Variants in AGBL1 observed in about 807,000 individuals in gnomAD.
The protein encoded by AGBL1 is cytosolic carboxypeptidase 4.
In AGBL1, 130 loss-of-function variants were observed where a neutral mutation model predicts 118.9. The observed-to-expected ratio is 1.09, with a 90% confidence interval of 0.95 to 1.26. The LOEUF (loss-of-function observed/expected upper bound fraction) is 1.26. Ranked by LOEUF, AGBL1 falls within the 50% of genes most tolerant of loss-of-function variation. AGBL1 has a pLI of 0.00. For synonymous variants in AGBL1, 555 were observed against 478.9 expected (o/e 1.16, Z -2.08); for missense variants, 1,584 against 1,298.1 (o/e 1.22, Z -3.38).
chr15:86,234,759 A>T (rs980748230), intron 6 of AGBL1, among the ~76,000 whole-genome samples: 3 of 152,156 alleles, frequency 2.0e-5, no homozygotes, highest in Non-Finnish European at 2.9e-5. Context: ...AAACAAGGTG[A>T]TGTTTAAAAG....
At chr15:86,506,506 T>A (rs931421756) in intron 18 of AGBL1, among the ~76,000 whole-genome samples, 1 of 152,126 alleles carries the variant, frequency 6.6e-6, no homozygotes, top group Non-Finnish European at 1.5e-5. Flanking sequence ...GGACCAGTGC[T>A]GCTGATTCCT....
intron 6 of AGBL1, among the ~76,000 whole-genome samples, chr15:86,244,961 C>G (rs946642246): frequency 2.6e-5 from 4 of 152,002 alleles, no homozygotes; most frequent in African/African-American, 9.7e-5. Flanking sequence ...ATTTTTGATA[C>G]AAAAGAACAA....
At chr15:86,221,608 T>C (rs981027120) in intron 5 of AGBL1, among the ~76,000 whole-genome samples, 1 of 152,216 alleles carries the variant, frequency 6.6e-6, no homozygotes, top group African/African-American at 2.4e-5. Context: ...CTTGGTGACA[T>C]GCACATGAGC....
chr15:86,483,627 C>G (rs1422351331), intron 18 of AGBL1, among the ~76,000 whole-genome samples: 1 of 151,970 alleles, frequency 6.6e-6, no homozygotes, highest in Non-Finnish European at 1.5e-5. Flanking sequence ...TCCAAGGAGG[C>G]AGGGGGAAAA....
At chr15:86,637,657 C>A (rs1029970979) in intron 21 of AGBL1, among the ~76,000 whole-genome samples, 1 of 151,966 alleles carries the variant, frequency 6.6e-6, no homozygotes, top group Non-Finnish European at 1.5e-5. Context: ...AAGATGGTGG[C>A]TTGGAGTAGG....
chr15:86,602,891 T>C (rs1197848975), intron 21 of AGBL1, among the ~76,000 whole-genome samples: 1 of 152,146 alleles, frequency 6.6e-6, no homozygotes, highest in Non-Finnish European at 1.5e-5. Flanking sequence ...GGATCTGTGT[T>C]CCTCCAGCAG....
intron 22 of AGBL1, among the ~76,000 whole-genome samples, chr15:86,676,503 C>T (rs1179303097): frequency 6.6e-6 from 1 of 152,020 alleles, no homozygotes; most frequent in African/African-American, 2.4e-5. Context: ...TTTTGAGAAC[C>T]ATTTGATTAG....
chr15:86,804,661 G>A (rs1212644626), intron 22 of AGBL1, among the ~76,000 whole-genome samples: 1 of 152,128 alleles, frequency 6.6e-6, no homozygotes, highest in Non-Finnish European at 1.5e-5. Context: ...AAAAACCTGG[G>A]TCATACTGTT....
chr15:86,683,991 T>A (rs1024688581), intron 22 of AGBL1, among the ~76,000 whole-genome samples: 10 of 152,264 alleles, frequency 6.6e-5, no homozygotes, highest in Non-Finnish European at 1.5e-4. Context: ...GAAGAGCTAG[T>A]CCTTTAGGTC....
intron 18 of AGBL1, among the ~76,000 whole-genome samples, chr15:86,514,943 T>C (rs2083101220): frequency 6.6e-6 from 1 of 152,192 alleles, no homozygotes; most frequent in Non-Finnish European, 1.5e-5. Flanking sequence ...TACCACTCCA[T>C]ATCAACTCAT....
intron 21 of AGBL1, among the ~76,000 whole-genome samples, chr15:86,666,033 T>C (rs1260300082): frequency 6.6e-5 from 10 of 152,192 alleles, no homozygotes; most frequent in Admixed American, 5.9e-4. Flanking sequence ...TAGTTTTTAC[T>C]TTTTATTCTG....
intron 1 of AGBL1, among the ~76,000 whole-genome samples, chr15:86,119,422 C>T (rs1384139738): frequency 6.6e-6 from 1 of 152,068 alleles, no homozygotes; most frequent in Non-Finnish European, 1.5e-5. Flanking sequence ...ACTATCCCCA[C>T]ATCCTGCAAA....
chr15:86,242,101 C>T (rs964302369), intron 6 of AGBL1, among the ~76,000 whole-genome samples: 8 of 152,080 alleles, frequency 5.3e-5, no homozygotes, highest in Admixed American at 5.2e-4. Flanking sequence ...GTAAAATGTC[C>T]CTTGTTCTTC....
At chr15:86,785,379 G>GTTTTTTTGTT (rs369996141) in intron 22 of AGBL1, among the ~76,000 whole-genome samples, 1 of 123,990 alleles carries the variant, frequency 8.1e-6, no homozygotes, top group South Asian at 2.6e-4. Flanking sequence ...TTTTTTTTTT[G>GTTTTTTTGTT]TTTTTGTTTT....
intron 24 of AGBL1, among the ~76,000 whole-genome samples, chr15:87,007,303 G>A (rs556396849): frequency 1.3e-5 from 2 of 151,904 alleles, no homozygotes; most frequent in Non-Finnish European, 2.9e-5. Context: ...ACAGAATACT[G>A]GACTCTTAAA....
intron 1 of AGBL1, among the ~76,000 whole-genome samples, chr15:86,137,973 G>T (rs746066681): frequency 1.3e-5 from 2 of 152,206 alleles, no homozygotes; most frequent in Non-Finnish European, 2.9e-5. Flanking sequence ...TAAAACAGAA[G>T]TATAGAAGAC....
At chr15:86,745,530 T>G (rs745480092) in intron 22 of AGBL1, among the ~76,000 whole-genome samples, 13 of 152,004 alleles carry the variant, frequency 8.6e-5, no homozygotes, top group Non-Finnish European at 1.5e-4. Flanking sequence ...GGACCTTATG[T>G]AGGAACCAGT....
At chr15:86,279,972 C>T (rs978995563) in intron 16 of AGBL1, among the ~76,000 whole-genome samples, 189 bp downstream of exon 16, 3 of 152,146 alleles carry the variant, frequency 2.0e-5, no homozygotes, top group African/African-American at 7.2e-5. Flanking sequence ...CATCTCCTTC[C>T]CTGGACAGAG....
chr15:87,019,896 G>T (rs1168113379), intron 24 of AGBL1, among the ~76,000 whole-genome samples: 1 of 151,534 alleles, frequency 6.6e-6, no homozygotes, highest in South Asian at 2.1e-4. Context: ...GAAGAAAGAA[G>T]AATCAAAGAA....
Sources: gnomAD v4.1 joint callset for allele counts (sites outside exome capture counted in the v4.1 genomes callset) on GRCh38, gnomAD v4.1.1 for gene constraint, MANE v1.5 for transcripts, NCBI Gene and HGNC (gene_info 2026-07-23, HGNC 2026-07-21) for gene names.